Variants in MRPS23 observed in about 807,000 individuals in gnomAD.
MRPS23 encodes small ribosomal subunit protein mS23.
In MRPS23, 14 loss-of-function variants were observed where a neutral mutation model predicts 19.8. The ratio of observed to expected loss-of-function variants is 0.71; its 90% CI spans 0.47 to 1.11. The LOEUF is 1.11. MRPS23 is among the 50% of genes least tolerant of loss of function. The pLI is 0.00. For missense variants in MRPS23, 242 were observed against 236.7 expected (o/e 1.02, Z -0.15); for synonymous variants, 113 against 89.7 (o/e 1.26, Z -1.47).
chr17:57,842,883 TATATATATAC>T (rs2073748368), intron 2 of MRPS23, among the ~76,000 whole-genome samples: 4 of 61,660 alleles, frequency 6.5e-5, no homozygotes, highest in African/African-American at 2.2e-4. Context: ...AAAAAAAATA[TATATATATAC>T]ACACACACAC....
At position 57,837,874 on chromosome 17, in the gene MRPS23, A is replaced by T. The variant is rs931135164; in HGVS notation, c.*1909T>A. The stretch of plus-strand genomic sequence containing the variant: ...GTGGCACATGCCTATAGTCCTAGCT[A>T]TTCGGGAAGTGAGCCAGGATGGCTT... On this transcript the variant is annotated 3_prime_UTR_variant, in exon 5 of 5. Coordinates refer to ENST00000313608, the MANE Select transcript of MRPS23 (RefSeq NM_016070.4). 5 of 152,314 alleles carry T rather than the reference A, an allele frequency of 3.3e-5. No individual in the cohort carries two copies. In the South Asian group the frequency reaches 6.2e-4, roughly 19 times the overall value. 9.4% of individuals were successfully genotyped at this position (152,314 alleles called of 1,614,324 possible). A position where few individuals can be genotyped will look rare whatever the true frequency, so the allele number is the denominator to read the frequency against.
At chr17:57,844,677 G>C (rs973537441) in intron 2 of MRPS23, among the ~76,000 whole-genome samples, 1 of 149,368 alleles carries the variant, frequency 6.7e-6, no homozygotes, top group African/African-American at 2.4e-5. Flanking sequence ...AGGCTGAGAA[G>C]GAGAAATGCT....
Position 57,837,808 on chromosome 17 carries a change from A to C in MRPS23, c.*1975T>G, listed in dbSNP as rs2073714456. The C allele has an allele frequency of 4.9e-5, 5 of 102,726 alleles. No individual in the cohort carries two copies. The highest frequency in any genetic ancestry group is 4.8e-4 in the Admixed American group (5 of 10,390). 6.4% of individuals were successfully genotyped at this position (102,726 alleles called of 1,614,324 possible). ...CAACATAGCAAGACTCCATCTCTAC[A>C]AAAAAAAACAAACAAAAAAAATGTT... On this transcript the variant is annotated 3_prime_UTR_variant, in exon 5 of 5. Transcript: ENST00000313608.
At chr17:57,842,714 C>T (rs2073746477) in intron 2 of MRPS23, among the ~76,000 whole-genome samples, 4 of 152,004 alleles carry the variant, frequency 2.6e-5, no homozygotes, top group African/African-American at 9.6e-5. Context: ...ACCTATCTCC[C>T]CACACCCTGA....
At position 57,838,755 on chromosome 17, in the gene MRPS23, C is replaced by G. The variant is rs573002580; in HGVS notation, c.*1028G>C. ...CACGTGCATGGATGTGTACTATATA[C>G]AGACTGTGAGATGTGGACCTGCCTC... On this transcript the variant is annotated 3_prime_UTR_variant, in exon 5 of 5. Coordinates refer to ENST00000313608, the MANE Select transcript of MRPS23 (RefSeq NM_016070.4). The G allele has an allele frequency of 1.3e-4, 20 of 152,358 alleles. No individual in the cohort carries two copies. The highest frequency in any genetic ancestry group is 2.6e-4 in the Non-Finnish European group (18 of 68,040). The allele number at this position is 152,358 out of a possible 1,614,324, so 9.4% of individuals were successfully genotyped here. A position where few individuals can be genotyped will look rare whatever the true frequency, so the allele number is the denominator to read the frequency against.
chr17:57,845,365 C>T (rs1004200828), intron 2 of MRPS23, among the ~76,000 whole-genome samples: 2 of 152,004 alleles, frequency 1.3e-5, no homozygotes, highest in Non-Finnish European at 2.9e-5. Context: ...TTGGGGGTCC[C>T]GGGGTGAAAG....
intron 2 of MRPS23, among the ~76,000 whole-genome samples, chr17:57,843,312 C>T (rs1261887014): frequency 1.3e-5 from 2 of 151,572 alleles, no homozygotes. Context: ...ACATGTTCTC[C>T]AACTTTTTGA....
rs138100549 is a variant in MRPS23 at position 57,843,357 on chromosome 17, C to G, written c.216-2097G>C. ...ACCTAATAGGTAAGAAACCAGAACT[C>G]TTTATAGTTTTAATTTGCTTTTCTT... On this transcript the variant is annotated intron_variant, in intron 2 of 4. Coordinates refer to ENST00000313608, the MANE Select transcript of MRPS23 (RefSeq NM_016070.4). Among the ~76,000 whole-genome samples, 13 of 152,016 alleles carry G rather than the reference C, an allele frequency of 8.6e-5. No homozygotes were observed. The East Asian group carries it at 2.5e-3, about 29-fold the overall frequency.
At position 57,836,394 on chromosome 17, in the gene MRPS23, G is replaced by GAT. The variant is rs2073706106; in HGVS notation, c.*3387_*3388dup. The GAT allele has an allele frequency of 6.6e-6, 1 of 152,196 alleles. No homozygotes were observed. Among genetic ancestry groups the GAT allele is most frequent in the Admixed American group, 6.5e-5 (1 of 15,268 alleles). 9.4% of individuals were successfully genotyped at this position (152,196 alleles called of 1,614,324 possible). A position where few individuals can be genotyped will look rare whatever the true frequency, so the allele number is the denominator to read the frequency against. Reference sequence around the variant, plus strand: ...CTGTAGGGGGTTCAGTAAGGGACTTGATATTATGTATTTTCCGAGCACAGA... The same window carrying GAT: ...CTGTAGGGGGTTCAGTAAGGGACTTGATATATTATGTATTTTCCGAGCACAGA... On this transcript the variant is annotated 3_prime_UTR_variant, in exon 5 of 5. Transcript: ENST00000313608.
At position 57,835,096 on chromosome 17, in the gene MRPS23, A is replaced by G. The variant is rs1193480407; in HGVS notation, c.*4687T>C. The G allele has an allele frequency of 6.6e-6, 1 of 152,084 alleles. No individual in the cohort carries two copies. Among genetic ancestry groups the G allele is most frequent in the East Asian group, 1.9e-4 (1 of 5,170 alleles). 9.4% of individuals were successfully genotyped at this position (152,084 alleles called of 1,614,324 possible). The stretch of plus-strand genomic sequence containing the variant: ...TTTTGCTGGCTTTCTCATTCCTCCT[A>G]TTCTATCACTTAAAGCATTTACCTG... On this transcript the variant is annotated 3_prime_UTR_variant, in exon 5 of 5. Transcript: ENST00000313608.
chr17:57,847,876 T>C (rs2073787034), intron 2 of MRPS23, among the ~76,000 whole-genome samples: 1 of 151,830 alleles, frequency 6.6e-6, no homozygotes, highest in Admixed American at 6.6e-5. Context: ...TTTGGTATTT[T>C]AGTCAAGACA....
chr17:57,843,216 C>A (rs1351609621), intron 2 of MRPS23, among the ~76,000 whole-genome samples: 1 of 149,488 alleles, frequency 6.7e-6, no homozygotes, highest in Non-Finnish European at 1.5e-5. Flanking sequence ...GTCAAGGCTG[C>A]AGTAAGCCAT....
At chr17:57,847,752 A>C (rs540277408) in intron 2 of MRPS23, among the ~76,000 whole-genome samples, 35 of 149,064 alleles carry the variant, frequency 2.3e-4, no homozygotes, top group Non-Finnish European at 4.9e-4. Context: ...GCTGGAGTGC[A>C]GTGGTGCACT....
At chr17:57,842,889 T>C (rs2586040) in intron 2 of MRPS23, among the ~76,000 whole-genome samples, 32,716 of 97,732 alleles carry the variant, frequency 0.33, 6,054 homozygotes, top group East Asian at 0.56. Context: ...AATATATATA[T>C]ATACACACAC....
intron 2 of MRPS23, 190 bp downstream of exon 2, chr17:57,849,050 C>T: frequency 1.5e-6 from 1 of 679,382 alleles, no homozygotes; most frequent in Non-Finnish European, 2.4e-6. Context: ...TTGCTGGGCT[C>T]CAGATTCCAC....
chr17:57,844,664 G>A (rs539400306), intron 2 of MRPS23, among the ~76,000 whole-genome samples: 3 of 150,064 alleles, frequency 2.0e-5, no homozygotes, highest in Non-Finnish European at 3.0e-5. Context: ...CCAGCTACTC[G>A]GGAGGCTGAG....
chr17:57,841,936 G>A (rs2073742685), intron 2 of MRPS23, among the ~76,000 whole-genome samples: 1 of 152,092 alleles, frequency 6.6e-6, no homozygotes, highest in South Asian at 2.1e-4. Context: ...AACAGAATGA[G>A]ACTCCGTCTC....
At chr17:57,849,517 C>G in intron 1 of MRPS23, 107 bp from the exon 2 acceptor site, 1 of 1,354,062 alleles carries the variant, frequency 7.4e-7, no homozygotes, top group Non-Finnish European at 1.0e-6. Context: ...CGGTCTGCAA[C>G]ACAGAACGGG....
At chr17:57,843,179 G>C (rs1175034873) in intron 2 of MRPS23, among the ~76,000 whole-genome samples, 2 of 151,346 alleles carry the variant, frequency 1.3e-5, no homozygotes, top group South Asian at 2.1e-4. Context: ...AGGAGGCTGA[G>C]GTGGGAGGAT....
Sources: allele counts gnomAD v4.1 joint callset (sites outside exome capture counted in the v4.1 genomes callset), GRCh38; gene constraint gnomAD v4.1.1; transcripts MANE v1.5; gene names NCBI Gene and HGNC (gene_info 2026-07-23, HGNC 2026-07-21).